The following OCA2 variants were observed in gnomAD, a reference collection of about 807,000 sequenced individuals.
The protein encoded by OCA2 is OCA2 melanosomal transmembrane protein, also known as P protein.
A neutral mutation model predicts 100.2 loss-of-function variants in OCA2; 77 were observed. The observed-to-expected ratio is 0.77, with a 90% CI of 0.64 to 0.93. The LOEUF (loss-of-function observed/expected upper bound fraction) is 0.93. Among genes scored for constraint, OCA2 ranks in the 40% least tolerant of loss-of-function variants. The pLI is 0.00. For synonymous variants in OCA2, 432 were observed against 439.2 expected (o/e 0.98, Z 0.21); for missense variants, 1,062 against 1,089.1 (o/e 0.98, Z 0.35).
intron 14 of OCA2, 29 bp downstream of exon 14, chr15:27,983,316 G>GGAAGCAACC (rs2041228624): frequency 1.2e-6 from 2 of 1,613,726 alleles, no homozygotes; most frequent in African/African-American, 2.7e-5. Context: ...TGCGTTTACT[G>GGAAGCAACC]GAAGCAACCC....
intron 4 of OCA2, among the ~76,000 whole-genome samples, chr15:28,025,269 T>C (rs1488164863): frequency 6.6e-6 from 1 of 152,214 alleles, no homozygotes; most frequent in Non-Finnish European, 1.5e-5. Flanking sequence ...TTATCAATTA[T>C]TTTCCCCTAA....
chr15:27,930,438 T>C (rs1023585551), intron 18 of OCA2, among the ~76,000 whole-genome samples: 1 of 151,978 alleles, frequency 6.6e-6, no homozygotes, highest in Non-Finnish European at 1.5e-5. Context: ...AAAATTTAAA[T>C]AGCAGGGTTT....
intron 19 of OCA2, among the ~76,000 whole-genome samples, chr15:27,924,617 C>A (rs922754863): frequency 6.6e-6 from 1 of 151,968 alleles, no homozygotes; most frequent in Non-Finnish European, 1.5e-5. Context: ...TCATATTAAA[C>A]TAAGATGTAC....
intron 23 of OCA2, among the ~76,000 whole-genome samples, chr15:27,841,995 C>T (rs1016045194): frequency 3.3e-5 from 5 of 152,268 alleles, no homozygotes; most frequent in South Asian, 4.1e-4. Context: ...ATTTAACCAG[C>T]GGTTCTATGT....
chr15:27,873,648 T>C (rs2036672792), intron 19 of OCA2, among the ~76,000 whole-genome samples: 1 of 152,218 alleles, frequency 6.6e-6, no homozygotes, highest in African/African-American at 2.4e-5. Flanking sequence ...TATATTTACA[T>C]ATTTAGTGTC....
chr15:28,080,445 G>C (rs1346124300), intron 2 of OCA2, among the ~76,000 whole-genome samples: 2 of 152,242 alleles, frequency 1.3e-5, no homozygotes, highest in Non-Finnish European at 2.9e-5. Context: ...TCACACGAAT[G>C]AACGAGAGCT....
chr15:27,790,639 G>T (rs905654700), intron 23 of OCA2, among the ~76,000 whole-genome samples: 13 of 152,108 alleles, frequency 8.5e-5, no homozygotes, highest in Non-Finnish European at 1.9e-4. Flanking sequence ...AATGTAAAGG[G>T]GTACCAGAAA....
intron 19 of OCA2, among the ~76,000 whole-genome samples, chr15:27,901,916 G>A (rs1304119728): frequency 2.0e-5 from 3 of 152,210 alleles, no homozygotes. Flanking sequence ...TGTGCCCAAG[G>A]AGCCAGGGGT....
chr15:27,733,418 T>C, the OCA2 span, among the ~76,000 whole-genome samples: 1 of 152,126 alleles, frequency 6.6e-6, no homozygotes, highest in East Asian at 1.9e-4. Context: ...CATCAGGCTG[T>C]CAGTCTGTCA....
chr15:27,887,045 C>G (rs1245378455), intron 19 of OCA2, among the ~76,000 whole-genome samples: 1 of 152,120 alleles, frequency 6.6e-6, no homozygotes, highest in East Asian at 1.9e-4. Flanking sequence ...TCTCACGAGA[C>G]CTGATGGTTT....
At chr15:27,767,892 CAAAACA>C (rs947007912) in intron 23 of OCA2, among the ~76,000 whole-genome samples, 1 of 152,190 alleles carries the variant, frequency 6.6e-6, no homozygotes, top group African/African-American at 2.4e-5. Flanking sequence ...TCAAACAAAA[CAAAACA>C]AAAACTCCTA....
chr15:27,885,343 C>A (rs932137502), intron 19 of OCA2, among the ~76,000 whole-genome samples: 1 of 152,228 alleles, frequency 6.6e-6, no homozygotes, highest in Non-Finnish European at 1.5e-5. Flanking sequence ...AAAGATGTCC[C>A]ACTGGCAGAG....
rs113029071 is a variant in OCA2 at position 27,902,412 on chromosome 15, T to C, written c.2079+23715A>G. Among the ~76,000 whole-genome samples, 1,418 of 152,316 alleles carry C rather than the reference T, an allele frequency of 9.3e-3. 23 individuals are homozygous for C. The highest frequency in any genetic ancestry group is 0.031 in the African/African-American group (1,282 of 41,564). On this transcript the variant is annotated intron_variant, in intron 19 of 23. Transcript: ENST00000354638. The stretch of plus-strand genomic sequence containing the variant: ...AACTTATTCGTATCATAATTATAGA[T>C]TGACTAATTAAATTTATTTTTGAGT...
intron 14 of OCA2, among the ~76,000 whole-genome samples, chr15:27,968,977 A>G (rs1339340769): frequency 1.4e-5 from 2 of 143,524 alleles, no homozygotes; most frequent in Non-Finnish European, 3.0e-5. Flanking sequence ...ATTCTTCTAA[A>G]CTCAGAGGCA....
intron 2 of OCA2, among the ~76,000 whole-genome samples, chr15:28,044,372 T>G (rs1431823447): frequency 6.6e-6 from 1 of 152,164 alleles, no homozygotes; most frequent in Non-Finnish European, 1.5e-5. Context: ...CCTAAGCTCT[T>G]CTTCGAAAAC....
intron 5 of OCA2, among the ~76,000 whole-genome samples, chr15:28,023,033 A>G (rs1439860577): frequency 6.6e-6 from 1 of 152,182 alleles, no homozygotes; most frequent in Non-Finnish European, 1.5e-5. Context: ...ATATCTCCAC[A>G]AATCACCTAA....
chr15:27,735,766 C>A, the OCA2 span, among the ~76,000 whole-genome samples: 1 of 152,104 alleles, frequency 6.6e-6, no homozygotes, highest in African/African-American at 2.4e-5. Flanking sequence ...AACAAAAAAC[C>A]TGCCAACCAA....
intron 23 of OCA2, among the ~76,000 whole-genome samples, chr15:27,832,762 A>G (rs2151321509): frequency 6.6e-6 from 1 of 152,156 alleles, no homozygotes; most frequent in East Asian, 1.9e-4. Context: ...GACTTCATGG[A>G]TGACTATAAA....
intron 19 of OCA2, among the ~76,000 whole-genome samples, chr15:27,909,427 G>A (rs1290175352): frequency 2.0e-5 from 3 of 151,986 alleles, no homozygotes. Context: ...TAAGAAAAAA[G>A]AAATATTAAG....
Sources: allele counts gnomAD v4.1 joint callset (sites outside exome capture counted in the v4.1 genomes callset), GRCh38; gene constraint gnomAD v4.1.1; transcripts MANE v1.5; gene names NCBI Gene and HGNC (gene_info 2026-07-23, HGNC 2026-07-21).